MAP2: variants seen among roughly 807,000 people sequenced by gnomAD.
The protein encoded by MAP2 is microtubule-associated protein 2.
In MAP2, 14 loss-of-function variants were observed where a neutral mutation model predicts 137.6. The ratio of observed to expected loss-of-function variants is 0.10; its 90% CI spans 0.07 to 0.16. The LOEUF (loss-of-function observed/expected upper bound fraction) is 0.16. MAP2 is among the 10% of genes least tolerant of loss of function. The pLI is 1.00. For missense variants in MAP2, 2,088 were observed against 2,191.5 expected, an observed-to-expected ratio of 0.95 and a Z score of 0.94; for synonymous variants, 786 against 782.3, an observed-to-expected ratio of 1.00 and a Z score of -0.08.
chr2:209,498,853 C>T (rs1001068066), intron 1 of MAP2, among the ~76,000 whole-genome samples: 1 of 152,142 alleles, frequency 6.6e-6, no homozygotes, highest in Non-Finnish European at 1.5e-5. Flanking sequence ...CCTCATAGGC[C>T]TCTGGGCCTA....
At chr2:209,492,238 A>G (rs1304745749) in intron 1 of MAP2, among the ~76,000 whole-genome samples, 1 of 152,156 alleles carries the variant, frequency 6.6e-6, no homozygotes, top group African/African-American at 2.4e-5. Context: ...AAAATTCAAA[A>G]CCCCTTCATG....
intron 3 of MAP2, among the ~76,000 whole-genome samples, chr2:209,621,636 A>AAACT (rs1289521699): frequency 1.2e-4 from 19 of 152,312 alleles, no homozygotes; most frequent in Admixed American, 1.2e-3. Context: ...GTTTCGAAGG[A>AAACT]AACTAAAGAG....
At chr2:209,729,079 G>A (rs2075169702) in intron 14 of MAP2, among the ~76,000 whole-genome samples, 1 of 152,056 alleles carries the variant, frequency 6.6e-6, no homozygotes, top group Admixed American at 6.5e-5. Context: ...GACGTGTAGA[G>A]ATGGGGAAGA....
intron 3 of MAP2, among the ~76,000 whole-genome samples, chr2:209,606,075 T>TGG (rs34284009): frequency 9.3e-4 from 141 of 151,686 alleles, no homozygotes; most frequent in Middle Eastern, 6.8e-3. Context: ...CACGTTATGA[T>TGG]GGGGGGGGTG....
intron 3 of MAP2, among the ~76,000 whole-genome samples, chr2:209,610,110 A>T (rs2086294479): frequency 6.6e-6 from 1 of 152,164 alleles, no homozygotes; most frequent in African/African-American, 2.4e-5. Context: ...TGGGGAACTG[A>T]CCTTGTCAAG....
chr2:209,535,094 T>C (rs2150634097), intron 2 of MAP2, among the ~76,000 whole-genome samples: 1 of 152,190 alleles, frequency 6.6e-6, no homozygotes, highest in African/African-American at 2.4e-5. Context: ...TTCTCCTCTC[T>C]CCCACCCCAG....
rs1399261765 is a variant in MAP2, at chr2:209,693,686, G to A, written c.1516G>A (p.Ala506Thr). The A allele has an allele frequency of 6.2e-7, 1 of 1,613,658 alleles. No individual in the cohort carries two copies. Among genetic ancestry groups the A allele is most frequent in the East Asian group, 2.2e-5 (1 of 44,860 alleles). Residue 506 changes from alanine to threonine, a missense_variant, in exon 8 of 16, where the codon GCA becomes ACA. By Grantham distance (58) the Ala-to-Thr change is moderately conservative. This residue lies in a region of MAP2 where 859 missense variants were observed against 794.5 expected (regional missense o/e 1.08). Coordinates refer to ENST00000682079, the MANE Select transcript of MAP2 (RefSeq NM_001375505.1). Reference protein sequence around the residue: ...QDSFPVSLEQAVTDSAMTSKT... With the variant: ...QDSFPVSLEQTVTDSAMTSKT... ...CTCGTTCCCTGTAAGTTTGGAGCAA[G>A]CAGTTACAGATTCAGCCATGACCTC...
At chr2:209,708,801 G>T (rs1169612393) in intron 12 of MAP2, among the ~76,000 whole-genome samples, 1 of 152,064 alleles carries the variant, frequency 6.6e-6, no homozygotes, top group Non-Finnish European at 1.5e-5. Context: ...TAAATCCTCA[G>T]GGGCTAAATA....
Position 209,575,189 on chromosome 2 carries a change from C to T in MAP2, c.-171-4847C>T, listed in dbSNP as rs557892440. ...GTCTCTATTTAAAATAAATTTACATCCTATAATAGAAATTATAAAACATAT... is the reference window on the plus strand; with the variant it reads ...GTCTCTATTTAAAATAAATTTACATTCTATAATAGAAATTATAAAACATAT... On this transcript the variant is annotated intron_variant, in intron 2 of 15. Transcript: ENST00000682079. Among the ~76,000 whole-genome samples, 14 of 152,170 alleles carry T rather than the reference C, an allele frequency of 9.2e-5. No individual in the cohort carries two copies. The South Asian group carries it at 1.2e-3, about 14-fold the overall frequency.
Position 209,710,173 on chromosome 2 carries a change from C to T in MAP2, c.4992C>T (p.Asn1664=), listed in dbSNP as rs2064954794. The T allele has an allele frequency of 6.2e-7, 1 of 1,613,460 alleles. No homozygotes were observed. The highest frequency in any genetic ancestry group is 1.1e-5 in the South Asian group (1 of 91,034). ...CTCCCAAGCAGCTTCGGCTTATTAA[C>T]CAACCACTGCCAGACCTGAAGAATG... ...PATPKQLRLI[N]QPLPDLKNVK... Residue 1664 remains asparagine (N), a synonymous_variant, in exon 13 of 16, where the codon AAC becomes AAT. Coordinates refer to ENST00000682079, the MANE Select transcript of MAP2 (RefSeq NM_001375505.1).
chr2:209,462,163 T>C (rs1702986798), intron 1 of MAP2, among the ~76,000 whole-genome samples: 1 of 152,236 alleles, frequency 6.6e-6, no homozygotes, highest in Non-Finnish European at 1.5e-5. Context: ...CGTTTTGTTC[T>C]AGTTTTCATT....
intron 3 of MAP2, among the ~76,000 whole-genome samples, chr2:209,616,402 A>G (rs1441127690): frequency 1.4e-5 from 2 of 146,094 alleles, no homozygotes; most frequent in Non-Finnish European, 3.0e-5. Context: ...TTTTTACTTC[A>G]AAGACCAAAT....
At chr2:209,588,696 C>T (rs1409893739) in intron 3 of MAP2, among the ~76,000 whole-genome samples, 4 of 151,828 alleles carry the variant, frequency 2.6e-5, no homozygotes, top group Non-Finnish European at 5.9e-5. Context: ...AGCATGCAAG[C>T]GTTAAGGATT....
chr2:209,459,672 T>C (rs1447229057), intron 1 of MAP2, among the ~76,000 whole-genome samples: 2 of 152,244 alleles, frequency 1.3e-5, no homozygotes, highest in Non-Finnish European at 2.9e-5. Context: ...GGTGCTTTTC[T>C]ACTGCCTTAG....
At chr2:209,565,829 G>A (rs1310483751) in intron 2 of MAP2, among the ~76,000 whole-genome samples, 1 of 152,164 alleles carries the variant, frequency 6.6e-6, no homozygotes, top group Non-Finnish European at 1.5e-5. Context: ...AGGTCACAAT[G>A]TAGGATTGTT....
chr2:209,550,636 T>G (rs2068979995), intron 2 of MAP2, among the ~76,000 whole-genome samples: 1 of 152,114 alleles, frequency 6.6e-6, no homozygotes, highest in South Asian at 2.1e-4. Context: ...GTGTAAAAAA[T>G]GTTGCAAGAG....
intron 14 of MAP2, among the ~76,000 whole-genome samples, chr2:209,726,050 A>T (rs1352069906): frequency 6.6e-6 from 1 of 152,240 alleles, no homozygotes; most frequent in Non-Finnish European, 1.5e-5. Flanking sequence ...TATGTACTCA[A>T]CACGCTTATT....
chr2:209,633,725 G>C (rs892460336), intron 4 of MAP2, among the ~76,000 whole-genome samples: 2 of 152,126 alleles, frequency 1.3e-5, no homozygotes, highest in African/African-American at 4.8e-5. Flanking sequence ...AGCTGGAATT[G>C]TGAGACCATG....
intron 2 of MAP2, among the ~76,000 whole-genome samples, chr2:209,510,602 T>G (rs2061609851): frequency 6.6e-6 from 1 of 152,064 alleles, no homozygotes; most frequent in Admixed American, 6.6e-5. Context: ...CCCATGCCAA[T>G]GTTGGAATTA....
Sources: gnomAD v4.1 joint callset for allele counts (sites outside exome capture counted in the v4.1 genomes callset) on GRCh38, gnomAD v4.1.1 for gene constraint, gnomAD v4.1.1 regional missense constraint, MANE v1.5 for transcripts, NCBI Gene and HGNC (gene_info 2026-07-23, HGNC 2026-07-21) for gene names.